Variants in DMXL2 observed in about 807,000 individuals in gnomAD.
The protein encoded by DMXL2 is dmX-like protein 2.
In DMXL2, 103 loss-of-function variants were observed where a neutral mutation model predicts 331.1. The ratio of observed to expected loss-of-function variants is 0.31; its 90% CI spans 0.27 to 0.37. The LOEUF (loss-of-function observed/expected upper bound fraction) is 0.37, where lower values mean the gene tolerates loss of function less well. DMXL2 is among the 10% of genes least tolerant of loss of function. The pLI, the probability that DMXL2 is intolerant of heterozygous loss-of-function variation, is 1.00. For missense variants in DMXL2, 3,171 were observed against 3,642.9 expected, an observed-to-expected ratio of 0.87 and a Z score of 3.33; for synonymous variants, 1,281 against 1,252.1, an observed-to-expected ratio of 1.02 and a Z score of -0.49.
intron 19 of DMXL2, among the ~76,000 whole-genome samples, chr15:51,494,343 G>A (rs1361774584): frequency 6.6e-6 from 1 of 152,124 alleles, no homozygotes; most frequent in Non-Finnish European, 1.5e-5. Context: ...ATAATACTAA[G>A]ACGTATATTA....
intron 13 of DMXL2, among the ~76,000 whole-genome samples, chr15:51,526,979 G>A (rs1332411503): frequency 6.6e-6 from 1 of 152,202 alleles, no homozygotes. Flanking sequence ...TTTATTCAAA[G>A]GGATAGTAAC....
At chr15:51,576,755 A>ACATCCAC (rs2051077010) in intron 1 of DMXL2, among the ~76,000 whole-genome samples, 1 of 152,188 alleles carries the variant, frequency 6.6e-6, no homozygotes. Context: ...CCTGCCTCCA[A>ACATCCAC]CATCCACCAT....
Position 51,502,845 on chromosome 15 carries a change from G to C in DMXL2, c.2953C>G (p.Pro985Ala). 1 of 1,614,034 alleles carries C rather than the reference G, an allele frequency of 6.2e-7. No homozygotes were observed. The highest frequency in any genetic ancestry group is 1.1e-5 in the South Asian group (1 of 91,084). Residue 985 changes from proline to alanine, a missense_variant, in exon 17 of 44, where the codon CCA becomes GCA. This residue lies in a region of DMXL2 where 1,674 missense variants were observed against 1,780.2 expected (regional missense o/e 0.94). Coordinates refer to ENST00000560891, the MANE Select transcript of DMXL2 (RefSeq NM_001378457.1). The stretch of plus-strand genomic sequence containing the variant: ...GCTCTTATTACTTCAACTGATTCTG[G>C]GAGATCAAGGGGTTGGCTATACACC... Reference protein sequence around the residue: ...RLVYSQPLDLPESVEVIRATP... With the variant: ...RLVYSQPLDLAESVEVIRATP...
intron 23 of DMXL2, among the ~76,000 whole-genome samples, chr15:51,484,396 AC>A (rs1426949818): frequency 6.6e-6 from 1 of 152,244 alleles, no homozygotes; most frequent in African/African-American, 2.4e-5. Flanking sequence ...TGGCAAAGCT[AC>A]ATGGCCATCA....
In DMXL2 at chr15:51,448,807, A is replaced by G. The variant is rs367941591; in HGVS notation, c.*177T>C. On this transcript the variant is annotated 3_prime_UTR_variant, in exon 44 of 44. Transcript: ENST00000560891. ...ATTTTTTTTAGTATGTCAGCATAAT[A>G]AGGTACATGCGCATTCATTCCACCA... The G allele has an allele frequency of 2.2e-5, 14 of 633,828 alleles. No homozygotes were observed. In the East Asian group the frequency reaches 2.7e-4, roughly 12 times the overall value. The allele number at this position is 633,828 out of a possible 1,614,324, so 39.3% of individuals were successfully genotyped here. A position where few individuals can be genotyped will look rare whatever the true frequency, so the allele number is the denominator to read the frequency against.
chr15:51,619,265 T>C (rs1331465421), intron 1 of DMXL2, among the ~76,000 whole-genome samples: 1 of 152,214 alleles, frequency 6.6e-6, no homozygotes, highest in East Asian at 1.9e-4. Flanking sequence ...TACCAGAGAT[T>C]TGACTTATTG....
chr15:51,594,311 C>G (rs943937508), intron 1 of DMXL2, among the ~76,000 whole-genome samples: 5 of 152,130 alleles, frequency 3.3e-5, no homozygotes, highest in African/African-American at 1.2e-4. Context: ...ACTAGAAAAT[C>G]TAGAAGAAAT....
intron 13 of DMXL2, among the ~76,000 whole-genome samples, chr15:51,528,698 T>A (rs2047825587): frequency 6.6e-6 from 1 of 152,124 alleles, no homozygotes; most frequent in Non-Finnish European, 1.5e-5. Context: ...TCACTCAGAA[T>A]TGGACATATC....
At chr15:51,594,105 C>CA (rs1176889879) in intron 1 of DMXL2, among the ~76,000 whole-genome samples, 52 of 151,768 alleles carry the variant, frequency 3.4e-4, no homozygotes, top group African/African-American at 1.1e-3. Context: ...AAAAACCCTT[C>CA]AAAAAAATCA....
intron 19 of DMXL2, among the ~76,000 whole-genome samples, chr15:51,492,331 T>C (rs1410959736): frequency 6.6e-6 from 1 of 152,236 alleles, no homozygotes; most frequent in Non-Finnish European, 1.5e-5. Context: ...GAGCTAAATA[T>C]CACTTCAAAG....
chr15:51,474,612 C>G lies in DMXL2; in HGVS notation c.6965-20G>C. On this transcript the variant is annotated intron_variant, in intron 27 of 43. Transcript: ENST00000560891. ...TCACACCTATAAGGGTATATAAAAT[C>G]ATAAGACGTATGTCAGGATGAAGCA... 2.5e-6 allele frequency: 4 copies of G among 1,569,370 alleles called. No individual in the cohort carries two copies. The highest frequency in any genetic ancestry group is 1.4e-5 in the African/African-American group (1 of 73,660).
chr15:51,598,503 T>C (rs1445738121), intron 1 of DMXL2, among the ~76,000 whole-genome samples: 3 of 152,234 alleles, frequency 2.0e-5, no homozygotes, highest in Non-Finnish European at 1.5e-5. Flanking sequence ...GTGTCCTTTA[T>C]AGTAAAAGAA....
chr15:51,495,029 T>C lies in DMXL2; in HGVS notation c.4778A>G (p.His1593Arg), dbSNP rs201637010. Residue 1593 changes from histidine (H) to arginine (R), a missense_variant, in exon 19 of 44, where the codon CAT becomes CGT. Around this residue, in one of 7 missense-constraint regions of DMXL2, gnomAD observed 252 missense variants for 387.4 expected, o/e 0.65. Transcript: ENST00000560891. ...LPPLYRVQLL[H>R]QGVSTCHFAW... ...TCAAACAGTGAGTGAATTACCTTGA[T>C]GAAGTAGCTGCACTCGGTATAAAGG... The C allele has an allele frequency of 1.4e-5, 22 of 1,610,958 alleles. No individual in the cohort carries two copies. The highest frequency in any genetic ancestry group is 2.7e-5 in the African/African-American group (2 of 74,806).
At chr15:51,545,156 C>T (rs2048822396) in intron 8 of DMXL2, among the ~76,000 whole-genome samples, 1 of 151,974 alleles carries the variant, frequency 6.6e-6, no homozygotes. Flanking sequence ...TCTTAAGGAA[C>T]AAAATAGTCA....
chr15:51,507,007 A>G (rs181808620), intron 16 of DMXL2, 127 bp downstream of exon 16: 4 of 717,568 alleles, frequency 5.6e-6, no homozygotes, highest in Non-Finnish European at 8.0e-6. Context: ...AGTTTAGAAG[A>G]GACATAATTC....
At chr15:51,587,217 T>A (rs2141210811) in intron 1 of DMXL2, among the ~76,000 whole-genome samples, 1 of 152,332 alleles carries the variant, frequency 6.6e-6, no homozygotes, top group Admixed American at 6.5e-5. Context: ...GTGCACAACG[T>A]GCAGGTTTGT....
At chr15:51,541,365 C>T (rs1430899667) in intron 9 of DMXL2, among the ~76,000 whole-genome samples, 2 of 151,934 alleles carry the variant, frequency 1.3e-5, no homozygotes, top group African/African-American at 2.4e-5. Flanking sequence ...AGTATTTCAA[C>T]AAGTAATCAA....
intron 15 of DMXL2, among the ~76,000 whole-genome samples, chr15:51,508,014 A>G (rs1251053354): frequency 3.9e-5 from 6 of 152,206 alleles, no homozygotes; most frequent in Non-Finnish European, 8.8e-5. Flanking sequence ...ACTCATAATG[A>G]CAACATATTG....
intron 17 of DMXL2, among the ~76,000 whole-genome samples, chr15:51,502,449 A>C (rs959511432): frequency 2.0e-5 from 3 of 151,688 alleles, no homozygotes; most frequent in Non-Finnish European, 4.4e-5. Flanking sequence ...CAGCTTCCCA[A>C]GTAGCTGGGA....
Sources: allele counts gnomAD v4.1 joint callset (sites outside exome capture counted in the v4.1 genomes callset), GRCh38; gene constraint gnomAD v4.1.1; regional missense constraint gnomAD v4.1.1; transcripts MANE v1.5; gene names NCBI Gene and HGNC (gene_info 2026-07-23, HGNC 2026-07-21).